The following COA1 variants were observed in gnomAD, a reference collection of about 807,000 sequenced individuals.
The protein encoded by COA1 is cytochrome c oxidase assembly factor 1 homolog.
COA1 carries 13 observed loss-of-function variants against 16.0 expected under a neutral mutation model. That is an observed-to-expected ratio of 0.81 (90% CI 0.53 to 1.29). The LOEUF is 1.29. Ranked by LOEUF, COA1 falls within the 50% of genes most tolerant of loss-of-function variation. The pLI is 0.00. For missense variants in COA1, 179 were observed against 177.0 expected, an observed-to-expected ratio of 1.01 and a Z score of -0.06; for synonymous variants, 65 against 65.7, an observed-to-expected ratio of 0.99 and a Z score of 0.05.
intron 1 of COA1, among the ~76,000 whole-genome samples, chr7:43,697,572 C>T (rs1451224981): frequency 1.3e-5 from 2 of 152,186 alleles, no homozygotes; most frequent in Non-Finnish European, 2.9e-5. Flanking sequence ...GTATGAGCCA[C>T]CGCACCCAGC....
At chr7:43,656,065 G>A (rs529005582) in intron 1 of COA1, 1 of 152,332 alleles carries the variant, frequency 6.6e-6, no homozygotes, top group South Asian at 2.1e-4. Flanking sequence ...AGCTGTCATG[G>A]ACATTCTAGT....
At chr7:43,648,208 T>G in intron 2 of COA1, 1 of 287,734 alleles carries the variant, frequency 3.5e-6, no homozygotes, top group Non-Finnish European at 6.7e-6. Context: ...TATGTAAGAG[T>G]ATCAAAATGA....
chr7:43,644,817 G>GAGAGAGAGAGAGAGAGAGAGAGAGATAC (rs1245137600), intron 4 of COA1, among the ~76,000 whole-genome samples: 32 of 126,736 alleles, frequency 2.5e-4, no homozygotes, highest in Non-Finnish European at 4.8e-4. Context: ...GAGAGAGAGA[G>GAGAGAGAGAGAGAGAGAGAGAGAGATAC]AGAGAGAGAG....
intron 1 of COA1, among the ~76,000 whole-genome samples, chr7:43,655,126 A>G (rs1451061445): frequency 6.6e-6 from 1 of 152,218 alleles, no homozygotes; most frequent in African/African-American, 2.4e-5. Flanking sequence ...TTATAAAATG[A>G]ACAGAAACAT....
intron 6 of COA1, among the ~76,000 whole-genome samples, chr7:43,612,576 T>C (rs978667043): frequency 6.6e-6 from 1 of 152,252 alleles, no homozygotes; most frequent in African/African-American, 2.4e-5. Context: ...TAATTTTGAA[T>C]TATTAGGCTA....
At chr7:43,622,703 TTG>T (rs2084035773) in intron 6 of COA1, 1 of 53,342 alleles carries the variant, frequency 1.9e-5, no homozygotes, top group African/African-American at 8.9e-5. Flanking sequence ...TTTTTTGTTT[TTG>T]TTTTTTTTTT....
intron 3 of COA1, 132 bp downstream of exon 3, chr7:43,647,403 T>G: frequency 1.4e-6 from 1 of 706,558 alleles, no homozygotes; most frequent in Non-Finnish European, 2.6e-6. Flanking sequence ...AACGAAATGG[T>G]GGACTAGCCT....
intron 4 of COA1, among the ~76,000 whole-genome samples, chr7:43,643,065 T>C (rs1193135014): frequency 1.3e-5 from 2 of 152,152 alleles, no homozygotes; most frequent in Non-Finnish European, 1.5e-5. Flanking sequence ...AGTCACAGCA[T>C]TTGGCCGCAG....
At chr7:43,721,776 G>A (rs917974135) in intron 1 of COA1, among the ~76,000 whole-genome samples, 20 of 151,398 alleles carry the variant, frequency 1.3e-4, no homozygotes, top group Non-Finnish European at 4.4e-5. Context: ...TTTACTGTAC[G>A]GTAATTTAAA....
chr7:43,649,315 C>A (rs1045763420), intron 1 of COA1: 11 of 152,262 alleles, frequency 7.2e-5, no homozygotes, highest in African/African-American at 2.7e-4. Context: ...GATTCAAATT[C>A]ATGCAGTCTG....
At chr7:43,659,882 A>C (rs576743962) in intron 1 of COA1, among the ~76,000 whole-genome samples, 1 of 152,318 alleles carries the variant, frequency 6.6e-6, no homozygotes, top group East Asian at 1.9e-4. Flanking sequence ...AAGGTCTTTA[A>C]AGAGGTAATT....
intron 1 of COA1, among the ~76,000 whole-genome samples, chr7:43,697,472 G>C (rs2094567837): frequency 6.6e-6 from 1 of 152,078 alleles, no homozygotes; most frequent in Middle Eastern, 3.4e-3. Context: ...TTTTGTATTA[G>C]ACAGGGTTTC....
At chr7:43,719,686 T>A (rs1191802766) in intron 1 of COA1, among the ~76,000 whole-genome samples, 2 of 152,242 alleles carry the variant, frequency 1.3e-5, no homozygotes, top group East Asian at 3.8e-4. Flanking sequence ...AAGGGATGGA[T>A]GGCTTCCTGA....
chr7:43,724,688 G>C (rs933852911), intron 1 of COA1, among the ~76,000 whole-genome samples: 1 of 152,142 alleles, frequency 6.6e-6, no homozygotes, highest in African/African-American at 2.4e-5. Flanking sequence ...AACAAAATGT[G>C]TTCTATGGAA....
At chr7:43,660,521 G>C (rs942271588) in intron 1 of COA1, among the ~76,000 whole-genome samples, 4 of 152,122 alleles carry the variant, frequency 2.6e-5, no homozygotes, top group Admixed American at 2.6e-4. Flanking sequence ...TATAAAGCAG[G>C]AATTACTCTC....
At chr7:43,637,665 G>GAATC (rs1156445447), downstream of COA1, among the ~76,000 whole-genome samples, 1 of 152,142 alleles carries the variant, frequency 6.6e-6, no homozygotes, top group Non-Finnish European at 1.5e-5. Context: ...AGCCTGTTCA[G>GAATC]AATCACCCAT....
chr7:43,634,383 C>T (rs76296267), downstream of COA1, among the ~76,000 whole-genome samples: 2,759 of 152,278 alleles, frequency 0.018, 61 homozygotes, highest in African/African-American at 0.061. Flanking sequence ...GGTTCAGGCT[C>T]ACTACTGAGC....
chr7:43,664,130 A>AGAGAGAGAGAGAGAGAGAGT (rs1307866265), intron 1 of COA1, among the ~76,000 whole-genome samples: 83 of 148,616 alleles, frequency 5.6e-4, no homozygotes, highest in African/African-American at 1.8e-3. Context: ...AGAGAGAGAG[A>AGAGAGAGAGAGAGAGAGAGT]GTCTTGCTAT....
intron 1 of COA1, among the ~76,000 whole-genome samples, chr7:43,707,395 A>G (rs2131599329): frequency 6.6e-6 from 1 of 152,338 alleles, no homozygotes; most frequent in South Asian, 2.1e-4. Context: ...ACACAAAGAA[A>G]AGTGCACAAA....
Sources: gnomAD v4.1 joint callset for allele counts (sites outside exome capture counted in the v4.1 genomes callset) on GRCh38, gnomAD v4.1.1 for gene constraint, MANE v1.5 for transcripts, NCBI Gene and HGNC (gene_info 2026-07-23, HGNC 2026-07-21) for gene names.